ADGRL2: variants seen among roughly 807,000 people sequenced by gnomAD.
The protein encoded by ADGRL2 is calcium-independent alpha-latrotoxin receptor 2.
In ADGRL2, 44 loss-of-function variants were observed where a neutral mutation model predicts 157.4. The ratio of observed to expected loss-of-function variants is 0.28; its 90% CI spans 0.22 to 0.36. ADGRL2 has a LOEUF of 0.36. ADGRL2 is among the 10% of genes least tolerant of loss of function. The pLI is 1.00. For synonymous variants in ADGRL2, 585 were observed against 624.7 expected, an observed-to-expected ratio of 0.94 and a Z score of 0.95; for missense variants, 1,510 against 1,768.9, an observed-to-expected ratio of 0.85 and a Z score of 2.63.
intron 7 of ADGRL2, 97 bp downstream of exon 7, chr1:81,950,579 A>G: frequency 8.8e-7 from 1 of 1,142,134 alleles, no homozygotes. Context: ...CGATGTTTAC[A>G]GTAGCTAACT....
At chr1:81,959,853 TGC>T (rs1374135209) in intron 11 of ADGRL2, among the ~76,000 whole-genome samples, 1 of 151,964 alleles carries the variant, frequency 6.6e-6, no homozygotes, top group Non-Finnish European at 1.5e-5. Context: ...CAGGCTGGAG[TGC>T]AATGGCGCGA....
intron 1 of ADGRL2, among the ~76,000 whole-genome samples, chr1:81,802,265 C>T (rs887756119): frequency 6.6e-6 from 1 of 152,052 alleles, no homozygotes; most frequent in Admixed American, 6.5e-5. Context: ...TGCCTCTGTG[C>T]CCAGCTTCGG....
At chr1:81,332,576 T>C (rs773783724) in intron 1 of ADGRL2, among the ~76,000 whole-genome samples, 1 of 152,112 alleles carries the variant, frequency 6.6e-6, no homozygotes, top group African/African-American at 2.4e-5. Context: ...CCCAGGTAGA[T>C]GTTCTTGTTT....
At chr1:81,773,512 A>C (rs556200518) in intron 2 of ADGRL2, among the ~76,000 whole-genome samples, 1 of 152,274 alleles carries the variant, frequency 6.6e-6, no homozygotes, top group South Asian at 2.1e-4. Flanking sequence ...TCGAAGGAAA[A>C]AGGATTGCCC....
intron 1 of ADGRL2, among the ~76,000 whole-genome samples, chr1:81,737,838 G>A (rs1035654027): frequency 1.3e-5 from 2 of 152,084 alleles, no homozygotes; most frequent in East Asian, 1.9e-4. Flanking sequence ...TTAAAACAAC[G>A]CATGTCTCTT....
At chr1:81,946,312 C>T (rs146576911) in intron 6 of ADGRL2, among the ~76,000 whole-genome samples, 180 of 151,128 alleles carry the variant, frequency 1.2e-3, no homozygotes, top group African/African-American at 4.1e-3. Flanking sequence ...TTCCTAAAAG[C>T]ACACGCATAT....
intron 3 of ADGRL2, among the ~76,000 whole-genome samples, chr1:81,690,638 T>C (rs894957188): frequency 6.6e-6 from 1 of 152,342 alleles, no homozygotes; most frequent in East Asian, 1.9e-4. Context: ...AAGGGCTCAG[T>C]GTTTTAATAT....
chr1:81,334,986 T>G (rs1363361030), intron 1 of ADGRL2, among the ~76,000 whole-genome samples: 1 of 152,186 alleles, frequency 6.6e-6, no homozygotes, highest in East Asian at 1.9e-4. Flanking sequence ...GTTCCTTTGT[T>G]GCAGTATATT....
chr1:81,490,195 G>A (rs1373031342), intron 2 of ADGRL2, among the ~76,000 whole-genome samples: 2 of 148,742 alleles, frequency 1.3e-5, no homozygotes, highest in African/African-American at 2.5e-5. Flanking sequence ...GCAATGGCAC[G>A]ATCTTGGCTC....
chr1:81,880,521 C>T (rs566386788), intron 2 of ADGRL2, among the ~76,000 whole-genome samples: 33 of 152,094 alleles, frequency 2.2e-4, no homozygotes, highest in Non-Finnish European at 4.4e-4. Context: ...TTTTATTAAG[C>T]GAAAGGAAAG....
At chr1:81,476,494 A>T (rs1382606237) in intron 2 of ADGRL2, among the ~76,000 whole-genome samples, 1 of 152,168 alleles carries the variant, frequency 6.6e-6, no homozygotes. Flanking sequence ...TTCCAAAGTG[A>T]ACACCTCCTC....
intron 2 of ADGRL2, among the ~76,000 whole-genome samples, chr1:81,499,236 G>C (rs1167046685): frequency 1.3e-5 from 2 of 152,262 alleles, no homozygotes; most frequent in African/African-American, 2.4e-5. Flanking sequence ...ATAAACCATT[G>C]TGGGCTGTCA....
chr1:81,345,667 A>T (rs1367955572), intron 1 of ADGRL2, among the ~76,000 whole-genome samples: 2 of 152,216 alleles, frequency 1.3e-5, no homozygotes, highest in Non-Finnish European at 2.9e-5. Flanking sequence ...TTAGTCAACT[A>T]ATCATAACTG....
At chr1:81,609,988 A>G (rs1017918375) in intron 3 of ADGRL2, among the ~76,000 whole-genome samples, 1 of 152,220 alleles carries the variant, frequency 6.6e-6, no homozygotes, top group Non-Finnish European at 1.5e-5. Context: ...TCAGAGACAA[A>G]GATAGCTGAA....
At chr1:81,440,737 C>A (rs899131217) in intron 1 of ADGRL2, among the ~76,000 whole-genome samples, 1 of 152,154 alleles carries the variant, frequency 6.6e-6, no homozygotes, top group African/African-American at 2.4e-5. Context: ...TTAATAGCAA[C>A]CCAATTTCTT....
chr1:81,377,163 A>T (rs1180062871), intron 1 of ADGRL2, among the ~76,000 whole-genome samples: 1 of 152,178 alleles, frequency 6.6e-6, no homozygotes, highest in Non-Finnish European at 1.5e-5. Context: ...TGACAGAGAA[A>T]GACTGCCTGA....
intron 1 of ADGRL2, among the ~76,000 whole-genome samples, chr1:81,349,507 G>T (rs1374206737): frequency 1.3e-5 from 2 of 152,072 alleles, no homozygotes; most frequent in Admixed American, 6.6e-5. Context: ...ATGTGGGATG[G>T]TATTGGTGCT....
chr1:81,822,302 T>C (rs1246743553), intron 1 of ADGRL2, among the ~76,000 whole-genome samples: 3 of 151,904 alleles, frequency 2.0e-5, no homozygotes, highest in African/African-American at 7.2e-5. Context: ...TTTTCTCAAG[T>C]TCAGAATATT....
chr1:81,620,602 G>A (rs568229582), intron 3 of ADGRL2, among the ~76,000 whole-genome samples: 1 of 152,190 alleles, frequency 6.6e-6, no homozygotes, highest in Non-Finnish European at 1.5e-5. Flanking sequence ...CCTGTTCTCT[G>A]ACTCTATTTT....
Sources: allele counts gnomAD v4.1 joint callset (sites outside exome capture counted in the v4.1 genomes callset), GRCh38; gene constraint gnomAD v4.1.1; transcripts MANE v1.5; gene names NCBI Gene and HGNC (gene_info 2026-07-23, HGNC 2026-07-21).